DIAPH2: variants seen among roughly 807,000 people sequenced by gnomAD.
DIAPH2 encodes the protein protein diaphanous homolog 2.
DIAPH2 carries 35 observed loss-of-function variants against 92.7 expected under a neutral mutation model. That is an observed-to-expected ratio of 0.38 (90% CI 0.29 to 0.50). The LOEUF is 0.50. Ranked by LOEUF, DIAPH2 falls within the 20% of genes least tolerant of loss-of-function variation. The probability of loss-of-function intolerance (pLI) is 0.94; values close to 1 mark genes in which losing one functional copy is unlikely to be tolerated. For missense variants in DIAPH2, 701 were observed against 819.5 expected, an observed-to-expected ratio of 0.86 and a Z score of 1.77; for synonymous variants, 301 against 280.4, an observed-to-expected ratio of 1.07 and a Z score of -0.73.
At chrX:96,892,419 A>G (rs1027766132) in intron 5 of DIAPH2, among the ~76,000 whole-genome samples, 1 of 111,886 alleles carries the variant, frequency 8.9e-6, no homozygotes, top group African/African-American at 3.2e-5. Flanking sequence ...ATATTTATAC[A>G]TACAATACGA....
intron 22 of DIAPH2, among the ~76,000 whole-genome samples, chrX:97,194,401 C>T (rs927476795): frequency 1.8e-5 from 2 of 109,059 alleles, no homozygotes; most frequent in African/African-American, 6.7e-5. Context: ...CCTGCCTCAG[C>T]CTCCCGAGTA....
rs140441157 is a variant in DIAPH2 at position 96,727,243 on chromosome X, G to A, written c.133-8515G>A. On this transcript the variant is annotated intron_variant, in intron 1 of 26. Transcript: ENST00000324765. ...CATGAAACATGCTGAGTTCCAAGAC[G>A]TGTTTGGCTTGAAAGGTTTCAAATA... Among the ~76,000 whole-genome samples, 291 of 112,176 alleles carry A rather than the reference G, an allele frequency of 2.6e-3. 2 individuals carry two copies. Among genetic ancestry groups the A allele is most frequent in the African/African-American group, 8.6e-3 (267 of 30,880 alleles).
At position 96,881,707 on chromosome X, in the gene DIAPH2, C is replaced by T; in HGVS notation, c.576C>T (p.Ser192=). The change falls in exon 5 of 27, where the codon AGC becomes AGT. Residue 192 remains serine (S), a synonymous_variant. Coordinates refer to ENST00000324765, the MANE Select transcript of DIAPH2 (RefSeq NM_006729.5). ...AATCCCTCAGGGTTTCTTTAACCAG[C>T]AATCCGGTCAGGTAAGTCGTTCTTA... The part of the protein sequence containing the change: ...CLESLRVSLT[S]NPVSWVNNFG... 8.3e-7 allele frequency: 1 copy of T among 1,207,901 alleles called. No individual in the cohort carries two copies. Among genetic ancestry groups the T allele is most frequent in the Non-Finnish European group, 1.1e-6 (1 of 893,827 alleles).
chrX:97,129,147 T>TTTTC (rs1404072417), intron 21 of DIAPH2, among the ~76,000 whole-genome samples: 1 of 27,158 alleles, frequency 3.7e-5, no homozygotes, highest in Non-Finnish European at 7.1e-5. Flanking sequence ...TTTTCTTTTC[T>TTTTC]TTCTTTTCTT....
At chrX:96,999,504 A>G (rs1404013350) in intron 17 of DIAPH2, among the ~76,000 whole-genome samples, 1 of 107,392 alleles carries the variant, frequency 9.3e-6, no homozygotes, top group Admixed American at 1.0e-4. Context: ...GTCTCAAAAA[A>G]AAAAAAAAAA....
At chrX:96,887,983 ATGTGTG>A (rs1008273952) in intron 5 of DIAPH2, among the ~76,000 whole-genome samples, 1 of 107,581 alleles carries the variant, frequency 9.3e-6, no homozygotes, top group South Asian at 4.0e-4. Context: ...GTGTGTGTGT[ATGTGTG>A]TGTGTGTATG....
At chrX:96,988,282 T>G (rs1429480477) in intron 17 of DIAPH2, among the ~76,000 whole-genome samples, 1 of 110,430 alleles carries the variant, frequency 9.1e-6, no homozygotes, top group Non-Finnish European at 1.9e-5. Context: ...TAAAATACAG[T>G]AATATGATGG....
intron 24 of DIAPH2, among the ~76,000 whole-genome samples, chrX:97,359,422 GTGTCCTATATA>G (rs958705025): frequency 3.6e-5 from 4 of 109,941 alleles, no homozygotes; most frequent in African/African-American, 9.9e-5. Context: ...ATGAGAGTAA[GTGTCCTATATA>G]TGTCCTATAT....
At chrX:96,975,813 G>C (rs2065956506) in intron 17 of DIAPH2, among the ~76,000 whole-genome samples, 1 of 110,915 alleles carries the variant, frequency 9.0e-6, no homozygotes, top group Non-Finnish European at 1.9e-5. Context: ...TGAAGTCTTT[G>C]TTTTAAGGGC....
At chrX:96,694,361 G>C (rs1203689850) in intron 1 of DIAPH2, among the ~76,000 whole-genome samples, 3 of 104,953 alleles carry the variant, frequency 2.9e-5, no homozygotes, top group Non-Finnish European at 5.8e-5. Context: ...TTTTTTTTTA[G>C]ATGGAGTCTC....
At position 96,875,109 on chromosome X, in the gene DIAPH2, G is replaced by A. The variant is rs777489953; in HGVS notation, c.448-6470G>A. On this transcript the variant is annotated intron_variant, in intron 4 of 26. Transcript: ENST00000324765. ...GTATAAAATTATCTTCAGGCTATTTGTATGAGTTGCATATGCAACATAAAT... is the reference window on the plus strand; with the variant it reads ...GTATAAAATTATCTTCAGGCTATTTATATGAGTTGCATATGCAACATAAAT... 9.8e-5 allele frequency among the ~76,000 whole-genome samples: 11 copies of A among 112,312 alleles called. No homozygotes were observed. In the East Asian group the frequency reaches 2.8e-3, roughly 28 times the overall value.
At chrX:97,044,141 T>C (rs1356673508) in intron 17 of DIAPH2, among the ~76,000 whole-genome samples, 2 of 112,245 alleles carry the variant, frequency 1.8e-5, no homozygotes, top group South Asian at 7.4e-4. Flanking sequence ...TATGTAATGT[T>C]GTTTTATCTT....
intron 26 of DIAPH2, among the ~76,000 whole-genome samples, chrX:97,443,972 G>T (rs1254532174): frequency 8.9e-6 from 1 of 112,258 alleles, no homozygotes; most frequent in Non-Finnish European, 1.9e-5. Flanking sequence ...TGCTCTATAA[G>T]ATGGGGAAAT....
At position 96,930,832 on chromosome X, in the gene DIAPH2, A is replaced by G. The variant is rs2065614588; in HGVS notation, c.1078A>G (p.Thr360Ala). 1 of 1,183,758 alleles carries G rather than the reference A, an allele frequency of 8.4e-7. No homozygotes were observed. The highest frequency in any genetic ancestry group is 3.1e-5 in the East Asian group (1 of 32,412). The change falls in exon 10 of 27, where the codon ACA (threonine) becomes GCA (alanine). Residue 360 changes from threonine (T) to alanine (A), a missense_variant. Physicochemically the swap from Thr to Ala is moderately conservative, Grantham distance 58. This residue lies in a region of DIAPH2 where 536 missense variants were observed against 599.3 expected (regional missense o/e 0.89). Transcript: ENST00000324765. ...RNEFLRSGLKTMLPDLKEKEN... is the reference protein window; with the variant it reads ...RNEFLRSGLKAMLPDLKEKEN... ...TGAATTCCTCCGTTCAGGACTAAAA[A>G]CAATGTTACCAGTAAGTTGAATGTA...
At chrX:97,437,562 A>G (rs1221906542) in intron 26 of DIAPH2, among the ~76,000 whole-genome samples, 2 of 111,355 alleles carry the variant, frequency 1.8e-5, no homozygotes, top group African/African-American at 6.5e-5. Context: ...GAGAGGCTTC[A>G]TGATGAAAGT....
At chrX:97,114,657 A>G (rs1336000644) in intron 20 of DIAPH2, 69 bp from the exon 21 acceptor site, 4 of 943,548 alleles carry the variant, frequency 4.2e-6, no homozygotes, top group Non-Finnish European at 5.6e-6. Flanking sequence ...CTATGAAATT[A>G]TCCCCACTAA....
chrX:96,973,555 C>T (rs1282170112), intron 17 of DIAPH2, among the ~76,000 whole-genome samples: 2 of 111,500 alleles, frequency 1.8e-5, no homozygotes, highest in Admixed American at 9.5e-5. Flanking sequence ...ATAGCAGAAA[C>T]TGCAATTCCT....
intron 19 of DIAPH2, among the ~76,000 whole-genome samples, chrX:97,078,645 G>T (rs1490664291): frequency 1.8e-5 from 2 of 111,539 alleles, no homozygotes; most frequent in Non-Finnish European, 3.8e-5. Flanking sequence ...CTTTAATCAA[G>T]CACTTCTATC....
At chrX:97,400,348 T>C (rs1356085748) in intron 25 of DIAPH2, among the ~76,000 whole-genome samples, 1 of 112,246 alleles carries the variant, frequency 8.9e-6, no homozygotes, top group Non-Finnish European at 1.9e-5. Flanking sequence ...CATTGAAGTA[T>C]AAAGCTGGTT....
Sources: allele counts gnomAD v4.1 joint callset (sites outside exome capture counted in the v4.1 genomes callset), GRCh38; gene constraint gnomAD v4.1.1; regional missense constraint gnomAD v4.1.1; transcripts MANE v1.5; gene names NCBI Gene and HGNC (gene_info 2026-07-23, HGNC 2026-07-21).